Variants in RANBP2 observed in about 807,000 individuals in gnomAD.
The protein encoded by RANBP2 is RAN binding protein 2, also known as E3 SUMO-protein ligase RanBP2.
RANBP2 carries 57 observed loss-of-function variants against 303.6 expected under a neutral mutation model. That is an observed-to-expected ratio of 0.19 (90% confidence interval 0.15 to 0.23). The LOEUF (loss-of-function observed/expected upper bound fraction) is 0.23, where lower values mean the gene tolerates loss of function less well. Ranked by LOEUF, RANBP2 falls within the 10% of genes least tolerant of loss-of-function variation. The pLI, the probability that RANBP2 is intolerant of heterozygous loss-of-function variation, is 1.00. For synonymous variants in RANBP2, 1,167 were observed against 1,301.5 expected (o/e 0.90, Z 2.23); for missense variants, 3,138 against 3,780.8 (o/e 0.83, Z 4.46).
At chr2:109,575,210 A>G in the RANBP2 span, among the ~76,000 whole-genome samples, 2 of 152,188 alleles carry the variant, frequency 1.3e-5, no homozygotes, top group African/African-American at 4.8e-5. Flanking sequence ...CACTTGCCAG[A>G]CTGCTCGAAG....
chr2:109,374,928 C>G, the RANBP2 span, among the ~76,000 whole-genome samples: 1 of 152,224 alleles, frequency 6.6e-6, no homozygotes, highest in Non-Finnish European at 1.5e-5. Context: ...CTGCACAGTG[C>G]TCTCCCTCCG....
intron 4 of RANBP2, among the ~76,000 whole-genome samples, chr2:108,735,229 G>T (rs921865817): frequency 3.3e-5 from 5 of 152,164 alleles, no homozygotes; most frequent in African/African-American, 4.8e-5. Flanking sequence ...ATTGACTGGG[G>T]AGGTCTAGGC....
chr2:109,584,277 G>T, the RANBP2 span, among the ~76,000 whole-genome samples: 2 of 143,070 alleles, frequency 1.4e-5, no homozygotes, highest in African/African-American at 5.2e-5. Context: ...AGGAGGTCGA[G>T]ACCAGCCTGG....
chr2:108,733,257 CTTTTTTTT>C (rs34665362), intron 4 of RANBP2, among the ~76,000 whole-genome samples: 56 of 85,022 alleles, frequency 6.6e-4, no homozygotes, highest in African/African-American at 2.0e-3. Flanking sequence ...TAACCATTCC[CTTTTTTTT>C]TTTTTTTTTT....
chr2:109,483,024 T>G, the RANBP2 span, among the ~76,000 whole-genome samples: 1 of 152,220 alleles, frequency 6.6e-6, no homozygotes, highest in Admixed American at 6.5e-5. Flanking sequence ...CACTTTTTCC[T>G]CTGTATTCAT....
chr2:109,258,377 G>A, the RANBP2 span, among the ~76,000 whole-genome samples: 3 of 152,180 alleles, frequency 2.0e-5, no homozygotes, highest in African/African-American at 7.2e-5. Context: ...AAACCCTAGT[G>A]CAGCCGGGTT....
At chr2:108,979,475 A>T in the RANBP2 span, among the ~76,000 whole-genome samples, 5,780 of 148,818 alleles carry the variant, frequency 0.039, 213 homozygotes, top group East Asian at 0.09. Flanking sequence ...TCTCACACAC[A>T]CACACACACA....
chr2:109,223,932 G>T, the RANBP2 span, among the ~76,000 whole-genome samples: 4 of 152,368 alleles, frequency 2.6e-5, no homozygotes, highest in East Asian at 5.8e-4. Flanking sequence ...AGCCTGGGGG[G>T]TGTGGGTTGC....
chr2:109,319,987 G>C, the RANBP2 span, among the ~76,000 whole-genome samples: 7 of 152,206 alleles, frequency 4.6e-5, no homozygotes, highest in Non-Finnish European at 1.0e-4. Flanking sequence ...GTGATGGAGA[G>C]TGGGGGGTGC....
At chr2:109,128,798 A>G in the RANBP2 span, 3 of 198,084 alleles carry the variant, frequency 1.5e-5, no homozygotes, top group African/African-American at 7.2e-5. Flanking sequence ...AAAAGCCGAA[A>G]AAGACTCGGA....
At chr2:108,932,895 G>A in the RANBP2 span, among the ~76,000 whole-genome samples, 1 of 152,204 alleles carries the variant, frequency 6.6e-6, no homozygotes, top group East Asian at 1.9e-4. Context: ...CTGGCTGCTA[G>A]GGAGCTTCCA....
the RANBP2 span, among the ~76,000 whole-genome samples, chr2:109,058,102 C>A: frequency 6.6e-6 from 1 of 152,210 alleles, no homozygotes; most frequent in Admixed American, 6.5e-5. Flanking sequence ...GTGGAAGCCA[C>A]GAGGTCCATC....
chr2:109,207,996 T>G, the RANBP2 span, among the ~76,000 whole-genome samples: 1 of 152,214 alleles, frequency 6.6e-6, no homozygotes, highest in Admixed American at 6.5e-5. Flanking sequence ...ATTTTTAAAT[T>G]CTGGTGAGAT....
At chr2:108,987,231 C>T in the RANBP2 span, among the ~76,000 whole-genome samples, 2 of 152,350 alleles carry the variant, frequency 1.3e-5, no homozygotes, top group Middle Eastern at 3.4e-3. Flanking sequence ...AACCACAAAA[C>T]GCACTCACTT....
the RANBP2 span, chr2:109,615,334 G>T: frequency 1.9e-6 from 3 of 1,611,612 alleles, no homozygotes; most frequent in African/African-American, 2.7e-5. Flanking sequence ...AAGTGGGACA[G>T]CCTGGAGGGC....
At chr2:108,877,217 C>T in the RANBP2 span, among the ~76,000 whole-genome samples, 1 of 152,026 alleles carries the variant, frequency 6.6e-6, no homozygotes, top group East Asian at 1.9e-4. Flanking sequence ...CCTGTAATCC[C>T]AGCACTCTAG....
At chr2:109,355,685 G>T in the RANBP2 span, among the ~76,000 whole-genome samples, 1 of 152,216 alleles carries the variant, frequency 6.6e-6, no homozygotes. Flanking sequence ...GTGTGCATCT[G>T]TTGGGAAACA....
chr2:109,689,677 C>T, the RANBP2 span, among the ~76,000 whole-genome samples: 1 of 152,122 alleles, frequency 6.6e-6, no homozygotes, highest in South Asian at 2.1e-4. Context: ...TCTAAAATTC[C>T]TTCTGCCAAA....
chr2:109,545,293 T>A, the RANBP2 span: 1 of 1,428,412 alleles, frequency 7.0e-7, no homozygotes. Context: ...GTGGGAGAAA[T>A]AAAACAAGGG....
Sources: allele counts gnomAD v4.1 joint callset (sites outside exome capture counted in the v4.1 genomes callset), GRCh38; gene constraint gnomAD v4.1.1; transcripts MANE v1.5; gene names NCBI Gene and HGNC (gene_info 2026-07-23, HGNC 2026-07-21).